ARHGAP39: variants seen among roughly 807,000 people sequenced by gnomAD.
The protein encoded by ARHGAP39 is rho GTPase-activating protein 39.
ARHGAP39 carries 44 observed loss-of-function variants against 106.9 expected under a neutral mutation model. That is an observed-to-expected ratio of 0.41 (90% CI 0.32 to 0.53). The LOEUF (loss-of-function observed/expected upper bound fraction) is 0.53, where lower values mean the gene tolerates loss of function less well. Ranked by LOEUF, ARHGAP39 falls within the 20% of genes least tolerant of loss-of-function variation. The pLI is 0.21. For synonymous variants in ARHGAP39, 768 were observed against 693.2 expected (o/e 1.11, Z -1.69); for missense variants, 1,496 against 1,577.3 (o/e 0.95, Z 0.87).
At chr8:144,584,629 G>T in intron 2 of ARHGAP39, among the ~76,000 whole-genome samples, 1 of 152,144 alleles carries the variant, frequency 6.6e-6, no homozygotes, top group Non-Finnish European at 1.5e-5. Flanking sequence ...CAGGTGTGGT[G>T]GCGTGCACCT....
At chr8:144,540,706 G>A (rs1817153787) in intron 6 of ARHGAP39, among the ~76,000 whole-genome samples, 1 of 152,158 alleles carries the variant, frequency 6.6e-6, no homozygotes, top group African/African-American at 2.4e-5. Flanking sequence ...AGGCTGAGGT[G>A]GGAGGATCCC....
In ARHGAP39 at chr8:144,623,097, T is replaced by C. The variant is rs542171035; in HGVS notation, c.-81-17402A>G. On this transcript the variant is annotated intron_variant, in intron 1 of 11. Transcript: ENST00000377307. Reference sequence around the variant, plus strand: ...TGTGGACGGAGTGCTCAGAATAAAATGTTCCTGGATCTTTGAATCGTTTGG... The same window carrying C: ...TGTGGACGGAGTGCTCAGAATAAAACGTTCCTGGATCTTTGAATCGTTTGG... 4.4e-3 allele frequency among the ~76,000 whole-genome samples: 667 copies of C among 152,350 alleles called. 5 individuals carry two copies. The highest frequency in any genetic ancestry group is 3.4e-3 in the Non-Finnish European group (230 of 68,032).
chr8:144,533,172 CAGAG>C lies in ARHGAP39; in HGVS notation c.2838_2841del (p.Ser947ArgfsTer24). 1 of 1,611,088 alleles carries C rather than the reference CAGAG, an allele frequency of 6.2e-7. No individual in the cohort carries two copies. Among genetic ancestry groups the C allele is most frequent in the Non-Finnish European group, 8.5e-7 (1 of 1,179,738 alleles). ...TCACCGTTGAGCGCCAGCACCTCCTCAGAGAGCCGTGTCTGCACCCAGGGCAGCT... is the reference window on the plus strand; with the variant it reads ...TCACCGTTGAGCGCCAGCACCTCCTCAGCCGTGTCTGCACCCAGGGCAGCT... On this transcript the variant is annotated frameshift_variant, in exon 9 of 12. Coordinates refer to ENST00000377307, the MANE Select transcript of ARHGAP39 (RefSeq NM_025251.3). LOFTEE classifies it high-confidence loss of function.
chr8:144,602,419 G>T (rs1188956051), intron 2 of ARHGAP39, among the ~76,000 whole-genome samples: 6 of 144,740 alleles, frequency 4.1e-5, no homozygotes, highest in African/African-American at 1.6e-4. Context: ...GTGTGCTTGT[G>T]TACCTGTGTG....
chr8:144,616,359 T>C (rs1464522251), intron 1 of ARHGAP39, among the ~76,000 whole-genome samples: 1 of 152,178 alleles, frequency 6.6e-6, no homozygotes, highest in African/African-American at 2.4e-5. Context: ...TCTGAATGAG[T>C]GTGGCTGTGG....
At position 144,682,684 on chromosome 8, in the gene ARHGAP39, G is replaced by A. The variant is rs116184695; in HGVS notation, c.-82+3002C>T. On this transcript the variant is annotated intron_variant, in intron 1 of 11. Transcript: ENST00000377307. ...TTAACGTTTATTTTAATAAATCACC[G>A]TTTCTGTTGCAAGGATAATACTGAG... is the stretch of plus-strand genomic sequence containing the variant. Among the ~76,000 whole-genome samples, 280 of 151,882 alleles carry A rather than the reference G, an allele frequency of 1.8e-3. 2 individuals carry two copies. The highest frequency in any genetic ancestry group is 6.3e-3 in the African/African-American group (261 of 41,376).
intron 3 of ARHGAP39, 66 bp downstream of exon 3, chr8:144,580,765 CCACCACCCCCTACCT>C: frequency 6.3e-6 from 1 of 157,644 alleles, no homozygotes; most frequent in Non-Finnish European, 1.3e-5. Context: ...CTGGCCCCGC[CCACCACCCCCTACCT>C]GCCTCACCTG....
chr8:144,531,274 A>G (rs1469586443), intron 10 of ARHGAP39, among the ~76,000 whole-genome samples: 5,943 of 38,384 alleles, frequency 0.15, 809 homozygotes, highest in Non-Finnish European at 0.23. Context: ...GGAGTGGGCT[A>G]GACATAGCAG....
the ARHGAP39 span, chr8:144,698,611 T>C: frequency 6.8e-6 from 2 of 294,766 alleles, no homozygotes; most frequent in Non-Finnish European, 1.3e-5. Context: ...ATCTGTTTTT[T>C]TTTTGGCAAT....
intron 4 of ARHGAP39, among the ~76,000 whole-genome samples, chr8:144,553,455 C>T (rs184641036): frequency 5.6e-4 from 85 of 152,348 alleles, no homozygotes; most frequent in African/African-American, 1.7e-3. Context: ...GGACTGAGAA[C>T]GTCTCAGGAC....
intron 3 of ARHGAP39, among the ~76,000 whole-genome samples, chr8:144,559,600 G>A (rs562466102): frequency 3.3e-5 from 5 of 152,198 alleles, no homozygotes; most frequent in South Asian, 2.1e-4. Flanking sequence ...GCTGAAATAC[G>A]GTTGTGGTAA....
chr8:144,556,109 C>G (rs1188034218), intron 3 of ARHGAP39, among the ~76,000 whole-genome samples: 1 of 152,014 alleles, frequency 6.6e-6, no homozygotes. Context: ...CATGGTGAAA[C>G]CCCGTCTCTA....
intron 2 of ARHGAP39, among the ~76,000 whole-genome samples, chr8:144,588,900 C>T (rs953871525): frequency 7.9e-5 from 12 of 152,270 alleles, no homozygotes; most frequent in Non-Finnish European, 1.8e-4. Context: ...GGGCGTGTCA[C>T]GCAACGCCGG....
chr8:144,535,373 T>TG lies in ARHGAP39; in HGVS notation c.2615-1172dup, dbSNP rs200948269. Among the ~76,000 whole-genome samples, 280 of 152,352 alleles carry TG rather than the reference T, an allele frequency of 1.8e-3. 3 individuals carry two copies. In the East Asian group the frequency reaches 0.025, roughly 14 times the overall value. ...GTCCTAGAAAATCTGTCATGGTCCT[T>TG]GGGACCACAGGTCTTGGCAGAGGAT... is the stretch of plus-strand genomic sequence containing the variant. On this transcript the variant is annotated intron_variant, in intron 7 of 11. Transcript: ENST00000377307.
At position 144,679,762 on chromosome 8, in the gene ARHGAP39, C is replaced by T. The variant is rs904879469; in HGVS notation, c.-82+5924G>A. 6.6e-6 allele frequency among the ~76,000 whole-genome samples: 1 copy of T among 152,142 alleles called. No individual in the cohort carries two copies. The highest frequency in any genetic ancestry group is 6.6e-5 in the Admixed American group (1 of 15,266). On this transcript the variant is annotated intron_variant, in intron 1 of 11. Coordinates refer to ENST00000377307, the MANE Select transcript of ARHGAP39 (RefSeq NM_025251.3). The surrounding 1 kb of genome is among the most constrained non-coding windows in gnomAD (Gnocchi z 4.7). ...TTGGGAGGCCAAGGCGGGCGGATCA[C>T]GAGGTCAGGAGATCGAGACCATCCT... is the stretch of plus-strand genomic sequence containing the variant.
At chr8:144,600,148 T>C (rs370873406) in intron 2 of ARHGAP39, among the ~76,000 whole-genome samples, 1 of 151,746 alleles carries the variant, frequency 6.6e-6, no homozygotes, top group African/African-American at 2.4e-5. Context: ...CTCATGTACC[T>C]ACCTGTGTGT....
Position 144,670,853 on chromosome 8 carries a change from T to C in ARHGAP39, c.-82+14833A>G, listed in dbSNP as rs1822084275. 6.6e-6 allele frequency among the ~76,000 whole-genome samples: 1 copy of C among 152,170 alleles called. No homozygotes were observed. The highest frequency in any genetic ancestry group is 1.5e-5 in the Non-Finnish European group (1 of 68,036). ...CTCTGAGCTTCAAGAGACAAACGCT[T>C]TACCCCTGCACTGCCAGCCCCGAGC... On this transcript the variant is annotated intron_variant, in intron 1 of 11. Transcript: ENST00000377307. This position sits in a 1 kb window ranked among gnomAD's most constrained non-coding sequence, Gnocchi z 4.4.
chr8:144,659,949 C>T (rs887224451), intron 1 of ARHGAP39, among the ~76,000 whole-genome samples: 4 of 152,184 alleles, frequency 2.6e-5, no homozygotes, highest in African/African-American at 9.7e-5. Context: ...CACCTCTCTC[C>T]CAAATGCCAG....
intron 6 of ARHGAP39, among the ~76,000 whole-genome samples, chr8:144,538,860 T>G (rs1034829846): frequency 6.6e-6 from 1 of 152,208 alleles, no homozygotes; most frequent in Non-Finnish European, 1.5e-5. Flanking sequence ...TGTGAGCCAC[T>G]GCGCCCGGCC....
Sources: gnomAD v4.1 joint callset for allele counts (sites outside exome capture counted in the v4.1 genomes callset) on GRCh38, gnomAD v4.1.1 for gene constraint, Gnocchi (gnomAD v3.1) non-coding constraint, MANE v1.5 for transcripts, NCBI Gene and HGNC (gene_info 2026-07-23, HGNC 2026-07-21) for gene names.